The following ADCY2 variants were observed in gnomAD, a reference collection of about 807,000 sequenced individuals.
ADCY2 encodes adenylate cyclase type 2.
Under a neutral mutation model 125.2 loss-of-function variants are expected in ADCY2, and 31 were observed. That is an observed-to-expected ratio of 0.25 (90% CI 0.19 to 0.33). The LOEUF is 0.33. ADCY2 is among the 10% of genes least tolerant of loss of function. ADCY2 has a pLI of 1.00. For missense variants in ADCY2, 904 were observed against 1,418.2 expected (o/e 0.64, Z 5.82); for synonymous variants, 512 against 548.4 (o/e 0.93, Z 0.93).
rs187839728 is a variant in ADCY2 at position 7,786,443 on chromosome 5, T to C, written c.2469+1994T>C. 1.4e-3 allele frequency among the ~76,000 whole-genome samples: 219 copies of C among 152,356 alleles called. 2 individuals are homozygous for C. Among genetic ancestry groups the C allele is most frequent in the African/African-American group, 5.0e-3 (209 of 41,574 alleles). On this transcript the variant is annotated intron_variant, in intron 19 of 24. Transcript: ENST00000338316. ...GGTTTATTAAATGATAGTATATGCA[T>C]TTTGCAACTTATTTTCATTGTTATT...
At chr5:7,665,309 G>A (rs1188653450) in intron 4 of ADCY2, among the ~76,000 whole-genome samples, 2 of 152,080 alleles carry the variant, frequency 1.3e-5, no homozygotes, top group African/African-American at 4.8e-5. Flanking sequence ...TGTCCATCTG[G>A]ATGTCCACCA....
chr5:7,793,468 A>T (rs183182784), intron 20 of ADCY2, among the ~76,000 whole-genome samples: 7 of 152,278 alleles, frequency 4.6e-5, no homozygotes, highest in Admixed American at 4.6e-4. Context: ...ACAACAAAAA[A>T]GACACACAGT....
chr5:7,777,684 A>G (rs939205946), intron 18 of ADCY2, among the ~76,000 whole-genome samples: 4 of 152,240 alleles, frequency 2.6e-5, no homozygotes, highest in African/African-American at 9.6e-5. Context: ...TTTCAGAACC[A>G]ACTTGGCATT....
chr5:7,476,775 C>T (rs981656065), intron 2 of ADCY2, among the ~76,000 whole-genome samples: 1 of 152,194 alleles, frequency 6.6e-6, no homozygotes. Flanking sequence ...TCAAAAAGTT[C>T]CACTGCTCAC....
intron 4 of ADCY2, among the ~76,000 whole-genome samples, chr5:7,638,737 C>G (rs79647969): frequency 6.6e-6 from 1 of 152,300 alleles, no homozygotes; most frequent in East Asian, 1.9e-4. Context: ...TCGTCATCTT[C>G]CTAGCTGGCC....
chr5:7,760,887 G>A (rs188624940), intron 16 of ADCY2, among the ~76,000 whole-genome samples: 28 of 152,194 alleles, frequency 1.8e-4, no homozygotes, highest in Middle Eastern at 3.4e-3. Flanking sequence ...TGTACCCTTT[G>A]ACCTACATCT....
At chr5:7,670,794 G>A (rs996943423) in intron 4 of ADCY2, among the ~76,000 whole-genome samples, 4 of 152,222 alleles carry the variant, frequency 2.6e-5, no homozygotes, top group East Asian at 3.9e-4. Flanking sequence ...TAATGCTGCC[G>A]CTGATCTGAC....
intron 15 of ADCY2, among the ~76,000 whole-genome samples, chr5:7,753,926 G>T (rs1579393282): frequency 6.6e-6 from 1 of 152,294 alleles, no homozygotes; most frequent in East Asian, 1.9e-4. Flanking sequence ...GACAAGGAAA[G>T]ATACCGCCTG....
At chr5:7,494,617 G>A (rs1743282118) in intron 2 of ADCY2, among the ~76,000 whole-genome samples, 1 of 152,154 alleles carries the variant, frequency 6.6e-6, no homozygotes, top group Non-Finnish European at 1.5e-5. Context: ...CTGGCAGATG[G>A]TGGGGGCTCA....
chr5:7,421,520 C>T (rs1236990426), intron 2 of ADCY2, among the ~76,000 whole-genome samples: 5 of 152,186 alleles, frequency 3.3e-5, no homozygotes, highest in South Asian at 2.1e-4. Context: ...CCCTAATGAC[C>T]TCATCTTAAT....
intron 2 of ADCY2, among the ~76,000 whole-genome samples, chr5:7,491,234 A>G (rs1743151826): frequency 6.6e-6 from 1 of 152,142 alleles, no homozygotes; most frequent in South Asian, 2.1e-4. Flanking sequence ...TGCTTGGTTC[A>G]AAAATGATCT....
chr5:7,493,570 GT>G (rs1357979692), intron 2 of ADCY2, among the ~76,000 whole-genome samples: 3 of 152,188 alleles, frequency 2.0e-5, no homozygotes, highest in Non-Finnish European at 4.4e-5. Context: ...ACAATGTGGG[GT>G]TAGAGGGGGA....
At chr5:7,427,867 G>A (rs1485522716) in intron 2 of ADCY2, among the ~76,000 whole-genome samples, 4 of 152,120 alleles carry the variant, frequency 2.6e-5, no homozygotes, top group African/African-American at 7.2e-5. Flanking sequence ...GAAGCCCAGC[G>A]GACCTAAAAT....
Position 7,781,186 on chromosome 5 carries a change from A to C in ADCY2, c.2385-3179A>C, listed in dbSNP as rs377339919. Among the ~76,000 whole-genome samples, 4 of 152,276 alleles carry C rather than the reference A, an allele frequency of 2.6e-5. No individual in the cohort carries two copies. The East Asian group carries it at 5.8e-4, about 22-fold the overall frequency. On this transcript the variant is annotated intron_variant, in intron 18 of 24. Transcript: ENST00000338316. ...TCCTTAAAACATAAAGGAGAGAGAG[A>C]GAAAGAGAGAGGGAAAGAGAGAGGG...
chr5:7,786,413 T>C (rs1231606559), intron 19 of ADCY2, among the ~76,000 whole-genome samples: 1 of 152,258 alleles, frequency 6.6e-6, no homozygotes, highest in African/African-American at 2.4e-5. Flanking sequence ...CTGTATTTCC[T>C]GATTGGTTTA....
At chr5:7,771,502 G>GTGT (rs1743556899) in intron 17 of ADCY2, among the ~76,000 whole-genome samples, 1 of 152,150 alleles carries the variant, frequency 6.6e-6, no homozygotes, top group Admixed American at 6.5e-5. Context: ...CCAGTGCGAG[G>GTGT]TGTTGGTCTT....
rs559421803 is a variant in ADCY2, at chr5:7,710,053, G to A, written c.1578+666G>A. Among the ~76,000 whole-genome samples the A allele has an allele frequency of 2.6e-5, 4 of 152,306 alleles. No individual in the cohort carries two copies. The South Asian group carries it at 8.3e-4, about 32-fold the overall frequency. On this transcript the variant is annotated intron_variant, in intron 10 of 24. Transcript: ENST00000338316. ...TTTCATGTATAATGCTATTAAATGTGCTAAGGATGCAGTTACAGCTTTTTA... is the reference window on the plus strand; with the variant it reads ...TTTCATGTATAATGCTATTAAATGTACTAAGGATGCAGTTACAGCTTTTTA...
chr5:7,549,746 T>C (rs1156975723), intron 3 of ADCY2, among the ~76,000 whole-genome samples: 2 of 152,164 alleles, frequency 1.3e-5, no homozygotes, highest in African/African-American at 2.4e-5. Flanking sequence ...AAAATTCTCA[T>C]TGTGCAGGAA....
chr5:7,591,007 G>T (rs1050848762), intron 3 of ADCY2, among the ~76,000 whole-genome samples: 10 of 152,194 alleles, frequency 6.6e-5, no homozygotes, highest in Middle Eastern at 3.4e-3. Context: ...GTTTTATCAT[G>T]ATTTCATACA....
Sources: gnomAD v4.1 joint callset for allele counts (sites outside exome capture counted in the v4.1 genomes callset) on GRCh38, gnomAD v4.1.1 for gene constraint, MANE v1.5 for transcripts, NCBI Gene and HGNC (gene_info 2026-07-23, HGNC 2026-07-21) for gene names.